Variants in MARCHF1 observed in about 807,000 individuals in gnomAD.
The protein encoded by MARCHF1 is membrane associated ring-CH-type finger 1, also known as E3 ubiquitin-protein ligase MARCHF1.
A neutral mutation model predicts 54.2 loss-of-function variants in MARCHF1; 40 were observed. The observed-to-expected ratio is 0.74, with a 90% CI of 0.57 to 0.96. MARCHF1 has a LOEUF of 0.96. MARCHF1 is among the 40% of genes least tolerant of loss of function. MARCHF1 has a pLI of 0.00. For missense variants in MARCHF1, 586 were observed against 656.5 expected, an observed-to-expected ratio of 0.89 and a Z score of 1.17; for synonymous variants, 236 against 236.3, an observed-to-expected ratio of 1.00 and a Z score of 0.01.
At chr4:164,171,129 A>G (rs115221018) in intron 1 of MARCHF1, among the ~76,000 whole-genome samples, 36 of 152,302 alleles carry the variant, frequency 2.4e-4, no homozygotes, top group African/African-American at 8.2e-4. Context: ...CTAAGTATAG[A>G]CTACCAGAAA....
Position 163,799,829 on chromosome 4 carries a change from T to C in MARCHF1, c.111+54192A>G, listed in dbSNP as rs115422319. Among the ~76,000 whole-genome samples the C allele has an allele frequency of 2.6e-3, 401 of 152,240 alleles. 4 individuals are homozygous for C. Among genetic ancestry groups the C allele is most frequent in the African/African-American group, 9.1e-3 (379 of 41,566 alleles). ...CAAATCATTCAACCAAAAAGACTCA[T>C]GTACTCCTACATTCATCGCAGCACT... is the stretch of plus-strand genomic sequence containing the variant. On this transcript the variant is annotated intron_variant, in intron 4 of 9. Coordinates refer to ENST00000514618, the MANE Select transcript of MARCHF1 (RefSeq NM_001394959.1).
In MARCHF1 at chr4:163,613,017, C is replaced by A; in HGVS notation, c.264G>T (p.Met88Ile). 1 of 1,508,526 alleles carries A rather than the reference C, an allele frequency of 6.6e-7. No individual in the cohort carries two copies. Among genetic ancestry groups the A allele is most frequent in the Non-Finnish European group, 8.8e-7 (1 of 1,137,372 alleles). 93.4% of individuals were successfully genotyped at this position (1,508,526 alleles called of 1,614,324 possible). A position where few individuals can be genotyped will look rare whatever the true frequency, so the allele number is the denominator to read the frequency against. Residue 88 changes from methionine (M) to isoleucine (I), a missense_variant, in exon 7 of 10, where the codon ATG becomes ATT. Around this residue, in one of 3 missense-constraint regions of MARCHF1, gnomAD observed 387 missense variants for 394.6 expected, o/e 0.98. Transcript: ENST00000514618. ...TGCAATACTCAAATGACTCTTCTGA[C>A]ATGTCATGCAAGATGGCAGATCTAG... ...DICRSAILHD[M>I]SEESFEYCTP...
At chr4:164,163,803 A>G (rs889610291) in intron 1 of MARCHF1, among the ~76,000 whole-genome samples, 4 of 151,962 alleles carry the variant, frequency 2.6e-5, no homozygotes, top group African/African-American at 4.8e-5. Context: ...TTTCAAGGGA[A>G]TGTGTAACAT....
At chr4:164,275,710 G>A (rs1367471783) in intron 1 of MARCHF1, among the ~76,000 whole-genome samples, 1 of 152,190 alleles carries the variant, frequency 6.6e-6, no homozygotes, top group African/African-American at 2.4e-5. Context: ...TTGGTGGAGC[G>A]AGATGAAGCA....
intron 1 of MARCHF1, among the ~76,000 whole-genome samples, chr4:164,306,517 G>A (rs922372719): frequency 5.9e-5 from 9 of 151,974 alleles, no homozygotes; most frequent in Non-Finnish European, 1.0e-4. Flanking sequence ...GCAGTAAAAC[G>A]ATTTGTTTCA....
At chr4:164,143,194 G>GAA (rs1406294566) in intron 1 of MARCHF1, among the ~76,000 whole-genome samples, 1 of 152,028 alleles carries the variant, frequency 6.6e-6, no homozygotes, top group African/African-American at 2.4e-5. Flanking sequence ...ATCTACGTCT[G>GAA]ATTGCTGTAC....
chr4:164,191,895 T>C (rs1044969082), intron 1 of MARCHF1, among the ~76,000 whole-genome samples: 3 of 152,192 alleles, frequency 2.0e-5, no homozygotes, highest in Admixed American at 1.3e-4. Flanking sequence ...ACATTGTGTT[T>C]CTATTCTTAT....
chr4:164,041,541 T>C (rs1474615448), intron 2 of MARCHF1, among the ~76,000 whole-genome samples: 15 of 152,154 alleles, frequency 9.9e-5, no homozygotes, highest in Admixed American at 9.2e-4. Flanking sequence ...ACAGCCAAAT[T>C]AGTACATGTC....
intron 1 of MARCHF1, among the ~76,000 whole-genome samples, chr4:164,346,190 C>G (rs1730090481): frequency 6.6e-6 from 1 of 152,068 alleles, no homozygotes; most frequent in Non-Finnish European, 1.5e-5. Context: ...CAGAACTAAA[C>G]AGATAATGCC....
Position 164,025,088 on chromosome 4 carries a change from A to C in MARCHF1, c.-247-36379T>G, listed in dbSNP as rs114931398. 7.2e-3 allele frequency among the ~76,000 whole-genome samples: 1,079 copies of C among 150,668 alleles called. 10 individuals are homozygous for C. Among genetic ancestry groups the C allele is most frequent in the East Asian group, 0.025 (128 of 5,140 alleles). The stretch of plus-strand genomic sequence containing the variant: ...AGCACCCAGATTAAAAACAAAACAA[A>C]CAAAAAGACAAGCTCTTCTTGACCT... On this transcript the variant is annotated intron_variant, in intron 2 of 9. Transcript: ENST00000514618.
At chr4:164,355,696 T>C (rs1730503363) in intron 1 of MARCHF1, among the ~76,000 whole-genome samples, 1 of 99,494 alleles carries the variant, frequency 1.0e-5, no homozygotes, top group Middle Eastern at 4.5e-3. Flanking sequence ...ATTCAGGACA[T>C]AGGCATGGGC....
intron 4 of MARCHF1, among the ~76,000 whole-genome samples, chr4:163,733,220 T>TATAC (rs767728359): frequency 7.1e-4 from 21 of 29,676 alleles, no homozygotes; most frequent in African/African-American, 1.6e-3. Context: ...TATATATATA[T>TATAC]ACACGTGTAT....
At chr4:163,730,572 C>T (rs1745796737) in intron 4 of MARCHF1, among the ~76,000 whole-genome samples, 1 of 151,932 alleles carries the variant, frequency 6.6e-6, no homozygotes, top group African/African-American at 2.4e-5. Context: ...ATTTTTTATA[C>T]ATATTTTTAT....
rs79465780 is a variant in MARCHF1 at position 163,846,132 on chromosome 4, A to G, written c.111+7889T>C. ...GGCTTTGTAATAGCAATTGGAAACA[A>G]TAACTGATACATGATTGAATAAGAA... On this transcript the variant is annotated intron_variant, in intron 4 of 9. Coordinates refer to ENST00000514618, the MANE Select transcript of MARCHF1 (RefSeq NM_001394959.1). Among the ~76,000 whole-genome samples, 1,421 of 152,328 alleles carry G rather than the reference A, an allele frequency of 9.3e-3. 16 individuals carry two copies. Among genetic ancestry groups the G allele is most frequent in the Middle Eastern group, 0.024 (7 of 294 alleles).
At chr4:163,829,995 T>C (rs1017188778) in intron 4 of MARCHF1, among the ~76,000 whole-genome samples, 1 of 152,186 alleles carries the variant, frequency 6.6e-6, no homozygotes, top group Non-Finnish European at 1.5e-5. Flanking sequence ...CTAAAACGTA[T>C]TGTGTATACC....
rs564369538 is a variant in MARCHF1 at position 164,146,499 on chromosome 4, A to T, written c.-322-34837T>A. The stretch of plus-strand genomic sequence containing the variant: ...GATATAGATCAATGGATCAGAACAG[A>T]GCCCTCAGAAATAACGCTGCATATC... On this transcript the variant is annotated intron_variant, in intron 1 of 9. Transcript: ENST00000514618. Among the ~76,000 whole-genome samples the T allele has an allele frequency of 9.2e-5, 14 of 152,312 alleles. No homozygotes were observed. In the South Asian group the frequency reaches 2.7e-3, roughly 29 times the overall value.
chr4:163,850,234 G>T (rs534826675), intron 4 of MARCHF1, among the ~76,000 whole-genome samples: 6 of 152,158 alleles, frequency 3.9e-5, no homozygotes, highest in African/African-American at 1.4e-4. Context: ...CCCCTTCAGG[G>T]GTCTGGGTCC....
intron 2 of MARCHF1, among the ~76,000 whole-genome samples, chr4:163,993,978 G>A (rs564239591): frequency 6.6e-6 from 1 of 152,152 alleles, no homozygotes; most frequent in East Asian, 1.9e-4. Context: ...AATAAAGTTA[G>A]CCTCAGTCTT....
chr4:164,341,947 G>C (rs547371816), intron 1 of MARCHF1, among the ~76,000 whole-genome samples: 4 of 152,014 alleles, frequency 2.6e-5, no homozygotes, highest in Non-Finnish European at 5.9e-5. Flanking sequence ...GTCCCAAAAA[G>C]AAATTAAGGA....
Sources: allele counts gnomAD v4.1 joint callset (sites outside exome capture counted in the v4.1 genomes callset), GRCh38; gene constraint gnomAD v4.1.1; regional missense constraint gnomAD v4.1.1; transcripts MANE v1.5; gene names NCBI Gene and HGNC (gene_info 2026-07-23, HGNC 2026-07-21).